ARSL: variants seen among roughly 807,000 people sequenced by gnomAD.
The protein encoded by ARSL is arylsulfatase L.
Under a neutral mutation model 31.1 loss-of-function variants are expected in ARSL, and 4 were observed. That is an observed-to-expected ratio of 0.13 (90% confidence interval 0.06 to 0.29). ARSL has a LOEUF of 0.29. Among genes scored for constraint, ARSL ranks in the 10% least tolerant of loss-of-function variants. The probability of loss-of-function intolerance (pLI) is 1.00; values close to 1 mark genes in which losing one functional copy is unlikely to be tolerated. For missense variants in ARSL, 312 were observed against 497.8 expected (o/e 0.63, Z 3.55); for synonymous variants, 198 against 209.9 (o/e 0.94, Z 0.49).
At chrX:2,939,371 G>C (rs2089249551) in intron 8 of ARSL, among the ~76,000 whole-genome samples, 1 of 112,205 alleles carries the variant, frequency 8.9e-6, no homozygotes, top group South Asian at 3.7e-4. Context: ...TCAAACTCCT[G>C]GTCTCCAGGG....
chrX:2,943,300 G>A lies in ARSL; in HGVS notation c.992-101C>T, dbSNP rs2089307362. On this transcript the variant is annotated intron_variant, in intron 7 of 10. Transcript: ENST00000381134. Reference sequence around the variant, plus strand: ...GCATTCGGGGGCTAGCCACAAGAATGAAGCCTTAGTTTTAACGCATAATGG... The same window carrying A: ...GCATTCGGGGGCTAGCCACAAGAATAAAGCCTTAGTTTTAACGCATAATGG... The A allele has an allele frequency of 2.2e-5, 23 of 1,043,161 alleles. No homozygotes were observed. The South Asian group carries it at 4.0e-4, about 18-fold the overall frequency. The allele number at this position is 1,043,161 out of a possible 1,213,427, so 86.0% of individuals were successfully genotyped here. A position where few individuals can be genotyped will look rare whatever the true frequency, so the allele number is the denominator to read the frequency against.
chrX:2,960,250 CAG>C (rs2089601041), intron 2 of ARSL, 126 bp downstream of exon 2: 1 of 267,812 alleles, frequency 3.7e-6, no homozygotes, highest in African/African-American at 5.3e-5. Flanking sequence ...GCCTGGGCGA[CAG>C]AGTGAGACTC....
chrX:2,944,259 G>T (rs754642954), intron 7 of ARSL, among the ~76,000 whole-genome samples: 98 of 109,211 alleles, frequency 9.0e-4, no homozygotes, highest in South Asian at 2.0e-3. Flanking sequence ...TTCGAGACCA[G>T]CCTGGCCAAC....
At chrX:2,950,616 C>T (rs2089448447) in intron 5 of ARSL, among the ~76,000 whole-genome samples, 2 of 111,584 alleles carry the variant, frequency 1.8e-5, no homozygotes, top group East Asian at 2.8e-4. Flanking sequence ...CTGCACATGC[C>T]CTCTTGCCTG....
intron 2 of ARSL, among the ~76,000 whole-genome samples, chrX:2,958,655 CT>C (rs2089560702): frequency 9.0e-6 from 1 of 111,342 alleles, no homozygotes. Context: ...TTTTTTGATG[CT>C]GTAAAGTCTG....
chrX:2,965,636 C>T (rs1221189199), upstream of ARSL, among the ~76,000 whole-genome samples: 11 of 111,755 alleles, frequency 9.8e-5, no homozygotes, highest in African/African-American at 3.6e-4. Flanking sequence ...CACGGTGGCT[C>T]ACGCCTGTAA....
At chrX:2,957,220 C>CAAA (rs746761169) in intron 3 of ARSL, among the ~76,000 whole-genome samples, 1,166 of 90,921 alleles carry the variant, frequency 0.013, 25 homozygotes, top group African/African-American at 0.045. Flanking sequence ...GACTCCGTCT[C>CAAA]AAAAAAAAAA....
At position 2,958,408 on chromosome X, in the gene ARSL, C is replaced by T. The variant is rs145117830; in HGVS notation, c.51G>A (p.Ala17=). ...SCLCFRSWLP[A]MLAVLLSLAP... is the part of the protein sequence containing the mutation. ...CCAAACTTAGCAGTACAGCGAGCAT[C>T]GCTGGCAGCCAGCTCCTGAAACACA... The change falls in exon 3 of 11, where the codon GCG becomes GCA. Residue 17 remains alanine (A), a synonymous_variant. Transcript: ENST00000381134. The T allele has an allele frequency of 6.6e-6, 8 of 1,210,623 alleles. No individual in the cohort carries two copies. Among genetic ancestry groups the T allele is most frequent in the African/African-American group, 5.2e-5 (3 of 57,333 alleles).
chrX:2,942,819 C>T (rs991122213), intron 8 of ARSL, among the ~76,000 whole-genome samples: 1 of 111,432 alleles, frequency 9.0e-6, no homozygotes, highest in Non-Finnish European at 1.9e-5. Flanking sequence ...CAGAAATAAA[C>T]TCCCTCCTCT....
intron 1 of ARSL, among the ~76,000 whole-genome samples, chrX:2,963,710 AT>A (rs374694100): frequency 0.011 from 1,080 of 95,608 alleles, 15 homozygotes; most frequent in African/African-American, 0.034. Context: ...CTGGCTATTG[AT>A]TTTTTTTTTT....
chrX:2,959,206 C>A (rs1460861639), intron 2 of ARSL, among the ~76,000 whole-genome samples: 12 of 111,502 alleles, frequency 1.1e-4, no homozygotes. Flanking sequence ...AAGGTGAGAA[C>A]ACAGTGAGCT....
chrX:2,939,569 G>A (rs1175352258), intron 8 of ARSL, among the ~76,000 whole-genome samples: 1 of 111,508 alleles, frequency 9.0e-6, no homozygotes, highest in East Asian at 2.8e-4. Context: ...GATGTAGTTG[G>A]CATTTATATA....
intron 3 of ARSL, 39 bp from the exon 4 acceptor site, chrX:2,955,576 T>C: frequency 1.7e-6 from 2 of 1,201,807 alleles, no homozygotes; most frequent in African/African-American, 1.7e-5. Flanking sequence ...TTGTTAAAAT[T>C]AGACAGGCTT....
At chrX:2,964,836 G>C (rs2089684435), upstream of ARSL, among the ~76,000 whole-genome samples, 1 of 111,720 alleles carries the variant, frequency 9.0e-6, no homozygotes, top group Non-Finnish European at 1.9e-5. Flanking sequence ...TGGGCAGTGT[G>C]GCTTATGCCC....
At chrX:2,967,320 C>G (rs779409673), upstream of ARSL, among the ~76,000 whole-genome samples, 4 of 112,222 alleles carry the variant, frequency 3.6e-5, no homozygotes, top group South Asian at 3.6e-4. Flanking sequence ...GCAGATTTTT[C>G]TTTTCCAAAG....
At chrX:2,945,401 C>T (rs1380382152) in intron 7 of ARSL, among the ~76,000 whole-genome samples, 15 of 111,810 alleles carry the variant, frequency 1.3e-4, no homozygotes, top group Admixed American at 3.8e-4. Context: ...AGCCACTCTA[C>T]AGCGGAGAGG....
At chrX:2,965,156 GATAAAA>G (rs1253186099), upstream of ARSL, among the ~76,000 whole-genome samples, 1 of 111,315 alleles carries the variant, frequency 9.0e-6, no homozygotes, top group Non-Finnish European at 1.9e-5. Context: ...ATAAAGATAA[GATAAAA>G]ATAAAAAAGA....
chrX:2,940,705 G>A (rs1190383468), intron 8 of ARSL, among the ~76,000 whole-genome samples: 1 of 109,898 alleles, frequency 9.1e-6, no homozygotes, highest in African/African-American at 3.3e-5. Flanking sequence ...GGATGCCAAC[G>A]TGGGAGGATC....
At chrX:2,937,783 G>C (rs1438317017) in intron 9 of ARSL, among the ~76,000 whole-genome samples, 1 of 111,788 alleles carries the variant, frequency 8.9e-6, no homozygotes, top group Non-Finnish European at 1.9e-5. Context: ...TATGTCTTTA[G>C]ATGGATGCAC....
Sources: gnomAD v4.1 joint callset for allele counts (sites outside exome capture counted in the v4.1 genomes callset) on GRCh38, gnomAD v4.1.1 for gene constraint, MANE v1.5 for transcripts, NCBI Gene and HGNC (gene_info 2026-07-23, HGNC 2026-07-21) for gene names.